Variants in ADAMTS3 observed in about 807,000 individuals in gnomAD.
The protein encoded by ADAMTS3 is A disintegrin and metalloproteinase with thrombospondin motifs 3.
A neutral mutation model predicts 129.0 loss-of-function variants in ADAMTS3; 73 were observed. That is an observed-to-expected ratio of 0.57 (90% CI 0.47 to 0.69). The LOEUF (loss-of-function observed/expected upper bound fraction) is 0.69, where lower values mean the gene tolerates loss of function less well. Ranked by LOEUF, ADAMTS3 falls within the 30% of genes least tolerant of loss-of-function variation. The probability of loss-of-function intolerance (pLI) is 0.00; values close to 1 mark genes in which losing one functional copy is unlikely to be tolerated. For missense variants in ADAMTS3, 1,457 were observed against 1,514.5 expected (o/e 0.96, Z 0.63); for synonymous variants, 477 against 510.8 (o/e 0.93, Z 0.89).
At chr4:72,291,091 T>C (rs756220510) in intron 19 of ADAMTS3, 29 bp from the exon 20 acceptor site, 13 of 1,610,734 alleles carry the variant, frequency 8.1e-6, no homozygotes, top group Non-Finnish European at 1.1e-5. Context: ...AATATTGCAA[T>C]TATCACTGGT....
At chr4:72,555,536 G>A (rs187874926) in intron 2 of ADAMTS3, among the ~76,000 whole-genome samples, 20 of 151,810 alleles carry the variant, frequency 1.3e-4, no homozygotes, top group Non-Finnish European at 2.6e-4. Flanking sequence ...CCCTGTCAAG[G>A]CATTTAACAA....
intron 21 of ADAMTS3, among the ~76,000 whole-genome samples, chr4:72,285,969 A>C (rs114894644): frequency 6.6e-6 from 1 of 152,162 alleles, no homozygotes; most frequent in Non-Finnish European, 1.5e-5. Context: ...TTCTGATAGA[A>C]AGTATTACTT....
chr4:72,325,467 A>T (rs912987176), intron 5 of ADAMTS3, among the ~76,000 whole-genome samples: 1 of 152,132 alleles, frequency 6.6e-6, no homozygotes, highest in African/African-American at 2.4e-5. Context: ...TCATTCAGAG[A>T]CTCATGTCTA....
intron 4 of ADAMTS3, among the ~76,000 whole-genome samples, chr4:72,350,862 C>T (rs60100052): frequency 0.064 from 9,677 of 151,944 alleles, 1,034 homozygotes; most frequent in African/African-American, 0.22. Flanking sequence ...TGCGATGATC[C>T]GGACTCAGCT....
chr4:72,295,662 T>C lies in ADAMTS3; in HGVS notation c.2715A>G (p.Thr905=), dbSNP rs750682466. 1.4e-5 allele frequency: 22 copies of C among 1,611,654 alleles called. No individual in the cohort carries two copies. Among genetic ancestry groups the C allele is most frequent in the Middle Eastern group, 3.3e-4 (2 of 6,066 alleles). ...TTAAAATAGATGCTTACAGTGGATG[T>C]GTACACTCTTGAATATTGCACATTC... ...IRRMCNIQEC[T]HPLWVAEEWE... The change falls in exon 19 of 22, where the codon ACA becomes ACG. Residue 905 remains threonine, a synonymous_variant. Coordinates refer to ENST00000286657, the MANE Select transcript of ADAMTS3 (RefSeq NM_014243.3).
intron 4 of ADAMTS3, among the ~76,000 whole-genome samples, chr4:72,408,023 T>C (rs961440310): frequency 1.3e-5 from 2 of 152,086 alleles, no homozygotes; most frequent in Non-Finnish European, 1.5e-5. Context: ...CAGGTTACAG[T>C]TGAAAATTAG....
intron 3 of ADAMTS3, among the ~76,000 whole-genome samples, chr4:72,540,121 T>C (rs1721283243): frequency 6.6e-6 from 1 of 152,122 alleles, no homozygotes; most frequent in African/African-American, 2.4e-5. Flanking sequence ...TAGAGACTTG[T>C]TGAATGGTTT....
At position 72,295,647 on chromosome 4, in the gene ADAMTS3, T is replaced by A. The variant is rs769918605; in HGVS notation, c.2723+7A>T. ...CTCCAGATATGATAGTTAAAATAGA[T>A]GCTTACAGTGGATGTGTACACTCTT... On this transcript the variant is annotated splice_region_variant and intron_variant, in intron 19 of 21. Transcript: ENST00000286657. 1 of 1,605,696 alleles carries A rather than the reference T, an allele frequency of 6.2e-7. No individual in the cohort carries two copies. The highest frequency in any genetic ancestry group is 8.5e-7 in the Non-Finnish European group (1 of 1,175,888).
Position 72,303,943 on chromosome 4 carries a change from G to A in ADAMTS3, c.2398C>T (p.Pro800Ser), listed in dbSNP as rs758253370. The change falls in exon 17 of 22, where the codon CCT becomes TCT. Residue 800 changes from proline to serine, a missense_variant. Physicochemically the swap from Pro to Ser is moderately conservative, Grantham distance 74 (BLOSUM62 -1). Transcript: ENST00000286657. ...AAAACAATAACAGGATCATGTAAAGGTCCATCGGTGTGAAGACTTTCAATG... is the reference window on the plus strand; with the variant it reads ...AAAACAATAACAGGATCATGTAAAGATCCATCGGTGTGAAGACTTTCAATG... Reference protein sequence around the residue: ...DDIESLHTDGPLHDPVIVLII... With the variant: ...DDIESLHTDGSLHDPVIVLII... The A allele has an allele frequency of 4.3e-6, 7 of 1,613,488 alleles. No homozygotes were observed. The highest frequency in any genetic ancestry group is 5.9e-6 in the Non-Finnish European group (7 of 1,179,648).
intron 3 of ADAMTS3, among the ~76,000 whole-genome samples, chr4:72,422,539 G>T (rs1318957635): frequency 1.3e-5 from 2 of 151,912 alleles, no homozygotes; most frequent in African/African-American, 2.4e-5. Flanking sequence ...TTTCGGAGGG[G>T]ATATTTATAA....
At chr4:72,457,813 A>G (rs76531192) in intron 3 of ADAMTS3, among the ~76,000 whole-genome samples, 5,744 of 151,586 alleles carry the variant, frequency 0.038, 131 homozygotes, top group Non-Finnish European at 0.048. Flanking sequence ...TAAAATGTAT[A>G]GAATATTTTA....
intron 3 of ADAMTS3, among the ~76,000 whole-genome samples, chr4:72,512,912 G>A (rs761246203): frequency 6.4e-4 from 97 of 152,174 alleles, no homozygotes; most frequent in Non-Finnish European, 4.6e-4. Context: ...TTTCACGTGT[G>A]GAGGCAGAGG....
intron 3 of ADAMTS3, among the ~76,000 whole-genome samples, chr4:72,423,427 T>C (rs1057248277): frequency 2.0e-5 from 3 of 152,162 alleles, no homozygotes; most frequent in Admixed American, 2.0e-4. Context: ...GCTAAGGTTC[T>C]CTAAAAACAC....
rs373318556 is a variant in ADAMTS3, at chr4:72,312,354, G to A, written c.1858C>T (p.Arg620Ter). 6.2e-6 allele frequency: 10 copies of A among 1,613,652 alleles called. No individual in the cohort carries two copies. The highest frequency in any genetic ancestry group is 2.7e-5 in the African/African-American group (2 of 74,880). Residue 620 changes from arginine (R) to a stop codon, truncating the protein, a stop_gained, in exon 13 of 22, where the codon CGA (arginine) becomes TGA (stop). Transcript: ENST00000286657. LOFTEE classifies it high-confidence loss of function. ...EDFRAQQCQQ[R>*]NSHFEYQNTK... ...TTCTGGTATTCAAAGTGGGAGTTTC[G>A]CTGCTGACACTGCTGTGCTCTGAAG...
At chr4:72,434,484 T>C (rs1260789791) in intron 3 of ADAMTS3, among the ~76,000 whole-genome samples, 4 of 151,796 alleles carry the variant, frequency 2.6e-5, no homozygotes, top group African/African-American at 9.7e-5. Flanking sequence ...AGCTCCACTG[T>C]AGACTTACTA....
Position 72,319,961 on chromosome 4 carries a change from A to G in ADAMTS3, c.1105T>C (p.Tyr369His), listed in dbSNP as rs1263213014. The G allele has an allele frequency of 8.7e-6, 14 of 1,608,674 alleles. No homozygotes were observed. The highest frequency in any genetic ancestry group is 1.2e-5 in the Non-Finnish European group (14 of 1,175,244). ...QDFGPAGMQG[Y>H]APVTGMCHPV... ...TGACACATGCCGGTGACTGGAGCAT[A>G]TCCTGTAGAGAATAACAATTACTTT... is the stretch of plus-strand genomic sequence containing the variant. Residue 369 changes from tyrosine to histidine, a missense_variant and splice_region_variant, in exon 8 of 22, where the codon TAT (tyrosine) becomes CAT (histidine). By Grantham distance (83) the Tyr-to-His change is moderately conservative (BLOSUM62 2). Coordinates refer to ENST00000286657, the MANE Select transcript of ADAMTS3 (RefSeq NM_014243.3).
chr4:72,442,544 T>C (rs924812671), intron 3 of ADAMTS3, among the ~76,000 whole-genome samples: 1 of 151,718 alleles, frequency 6.6e-6, no homozygotes, highest in African/African-American at 2.4e-5. Context: ...ACTGCTACAA[T>C]GGCACCAAGC....
intron 3 of ADAMTS3, among the ~76,000 whole-genome samples, chr4:72,541,590 C>T (rs1203612556): frequency 6.6e-6 from 1 of 152,184 alleles, no homozygotes; most frequent in African/African-American, 2.4e-5. Flanking sequence ...TGTAGCTCCC[C>T]TAATCCTCAC....
intron 4 of ADAMTS3, among the ~76,000 whole-genome samples, chr4:72,394,489 T>C (rs1721676868): frequency 6.6e-6 from 1 of 152,188 alleles, no homozygotes; most frequent in South Asian, 2.1e-4. Context: ...GTCTCTTGCG[T>C]GAATTCTGAA....
Sources: gnomAD v4.1 joint callset for allele counts (sites outside exome capture counted in the v4.1 genomes callset) on GRCh38, gnomAD v4.1.1 for gene constraint, MANE v1.5 for transcripts, NCBI Gene and HGNC (gene_info 2026-07-23, HGNC 2026-07-21) for gene names.